Variants in PLB1 observed in about 807,000 individuals in gnomAD.
The protein encoded by PLB1 is phospholipase B1, also known as phospholipase B1, membrane-associated.
In PLB1, 242 loss-of-function variants were observed where a neutral mutation model predicts 227.4. That is an observed-to-expected ratio of 1.06 (90% confidence interval 0.96 to 1.18). The LOEUF is 1.18. PLB1 is among the 50% of genes most tolerant of loss of function. PLB1 has a pLI of 0.00. For missense variants in PLB1, 1,858 were observed against 1,816.3 expected, an observed-to-expected ratio of 1.02 and a Z score of -0.42; for synonymous variants, 757 against 682.2, an observed-to-expected ratio of 1.11 and a Z score of -1.71.
At chr2:28,529,183 G>A in intron 6 of PLB1, 134 bp from the exon 7 acceptor site, 1 of 627,414 alleles carries the variant, frequency 1.6e-6, no homozygotes. Context: ...GGGCTCAAGT[G>A]ATCCTCCTGC....
In PLB1 at chr2:28,562,531, A is replaced by G. The variant is rs529866936; in HGVS notation, c.1148-510A>G. On this transcript the variant is annotated intron_variant, in intron 17 of 57. Coordinates refer to ENST00000327757, the MANE Select transcript of PLB1 (RefSeq NM_153021.5). The stretch of plus-strand genomic sequence containing the variant: ...CACTCCAGCCTGGAGACAGAGCAAG[A>G]CTCTGTCTCAAAAAAAAAAAAAAAA... Among the ~76,000 whole-genome samples, 6 of 147,806 alleles carry G rather than the reference A, an allele frequency of 4.1e-5. No individual in the cohort carries two copies. The East Asian group carries it at 9.9e-4, about 24-fold the overall frequency.
intron 33 of PLB1, 61 bp downstream of exon 33, chr2:28,593,815 T>C (rs1307556369): frequency 1.7e-5 from 24 of 1,436,198 alleles, no homozygotes; most frequent in Non-Finnish European, 2.3e-5. Flanking sequence ...GGTGTGGCTT[T>C]GTCTCCTGTA....
At chr2:28,505,900 T>C (rs1022077908) in intron 1 of PLB1, among the ~76,000 whole-genome samples, 5 of 152,188 alleles carry the variant, frequency 3.3e-5, no homozygotes, top group Non-Finnish European at 7.3e-5. Context: ...TACATCCCAA[T>C]GCCTCCATCC....
chr2:28,632,571 G>A (rs1466033653), intron 55 of PLB1, among the ~76,000 whole-genome samples: 3 of 152,000 alleles, frequency 2.0e-5, no homozygotes, highest in South Asian at 2.1e-4. Flanking sequence ...GTTGAATCAC[G>A]AGGTTAGGAG....
intron 14 of PLB1, among the ~76,000 whole-genome samples, chr2:28,547,255 G>A (rs1317185502): frequency 2.0e-5 from 3 of 149,048 alleles, no homozygotes; most frequent in African/African-American, 7.4e-5. Context: ...TGGCAAGACA[G>A]ATCAGCACCT....
At position 28,577,361 on chromosome 2, in the gene PLB1, C is replaced by T. The variant is rs73922164; in HGVS notation, c.1434-746C>T. On this transcript the variant is annotated intron_variant, in intron 21 of 57. Transcript: ENST00000327757. ...TAGCAAAAGGCACCTAAGTGTCCAACCCAGGTGCATTTTACTAGACTACAT... is the reference window on the plus strand; with the variant it reads ...TAGCAAAAGGCACCTAAGTGTCCAATCCAGGTGCATTTTACTAGACTACAT... 9.0e-3 allele frequency among the ~76,000 whole-genome samples: 1,378 copies of T among 152,334 alleles called. 24 individuals carry two copies. Among genetic ancestry groups the T allele is most frequent in the African/African-American group, 0.031 (1,307 of 41,562 alleles).
At chr2:28,636,033 G>GTGTGTGTGTA (rs1553467801) in intron 56 of PLB1, among the ~76,000 whole-genome samples, 1,548 of 149,808 alleles carry the variant, frequency 0.01, 18 homozygotes, top group Non-Finnish European at 0.017. Flanking sequence ...GTGTGTATGT[G>GTGTGTGTGTA]TGTGTGTGTA....
intron 17 of PLB1, among the ~76,000 whole-genome samples, chr2:28,558,122 A>T (rs756651072): frequency 3.3e-5 from 5 of 149,972 alleles, no homozygotes; most frequent in Non-Finnish European, 5.9e-5. Context: ...ATGTATGTAC[A>T]CACAGACATA....
At position 28,597,187 on chromosome 2, in the gene PLB1, C is replaced by T. The variant is rs922920103; in HGVS notation, c.2322-818C>T. Among the ~76,000 whole-genome samples, 47 of 150,352 alleles carry T rather than the reference C, an allele frequency of 3.1e-4. 1 individual carries two copies. The highest frequency in any genetic ancestry group is 3.1e-4 in the Non-Finnish European group (21 of 67,848). ...GCTGAGGCAGGAGAATGGCATGAAC[C>T]CGGGAGGCGGAGCTTGCATTGAGTG... On this transcript the variant is annotated intron_variant, in intron 33 of 57. Coordinates refer to ENST00000327757, the MANE Select transcript of PLB1 (RefSeq NM_153021.5).
In PLB1 at chr2:28,601,246, A is replaced by G. The variant is rs888614058; in HGVS notation, c.2527-6A>G. 7 of 1,610,162 alleles carry G rather than the reference A, an allele frequency of 4.3e-6. No individual in the cohort carries two copies. The highest frequency in any genetic ancestry group is 5.9e-6 in the Non-Finnish European group (7 of 1,176,540). Reference sequence around the variant, plus strand: ...AATTATCAAGCATTTTCCTCCCTCCATATAGAGAGTAAATTTCCATGAAGA... The same window carrying G: ...AATTATCAAGCATTTTCCTCCCTCCGTATAGAGAGTAAATTTCCATGAAGA... On this transcript the variant is annotated splice_region_variant and splice_polypyrimidine_tract_variant and intron_variant, in intron 36 of 57. Transcript: ENST00000327757.
chr2:28,531,483 G>A (rs750899593), intron 8 of PLB1, among the ~76,000 whole-genome samples: 1 of 151,982 alleles, frequency 6.6e-6, no homozygotes, highest in Non-Finnish European at 1.5e-5. Context: ...GGCTAATTTT[G>A]TATTTTTAAT....
intron 20 of PLB1, among the ~76,000 whole-genome samples, chr2:28,569,346 C>T (rs1036839157): frequency 1.3e-5 from 2 of 152,154 alleles, no homozygotes; most frequent in African/African-American, 2.4e-5. Context: ...TTATATGAGG[C>T]CCTGGGGTAT....
In PLB1 at chr2:28,560,255, C is replaced by T. The variant is rs560950629; in HGVS notation, c.1148-2786C>T. Among the ~76,000 whole-genome samples the T allele has an allele frequency of 7.0e-4, 107 of 152,066 alleles. 1 individual carries two copies. The South Asian group carries it at 7.3e-3, about 10-fold the overall frequency. ...GCCACTAGACACAATAGAAGCACAT[C>T]GGCAAAGGTAGAGCTATGGCCAAGT... On this transcript the variant is annotated intron_variant, in intron 17 of 57. Coordinates refer to ENST00000327757, the MANE Select transcript of PLB1 (RefSeq NM_153021.5).
chr2:28,636,010 T>A (rs1347047714), intron 56 of PLB1, among the ~76,000 whole-genome samples: 35 of 144,694 alleles, frequency 2.4e-4, no homozygotes, highest in African/African-American at 8.2e-4. Flanking sequence ...TATGTGTATG[T>A]ATGTATGAAT....
intron 56 of PLB1, among the ~76,000 whole-genome samples, chr2:28,637,449 A>G (rs962060028): frequency 6.6e-6 from 1 of 152,076 alleles, no homozygotes; most frequent in African/African-American, 2.4e-5. Flanking sequence ...TGCAGGGTTT[A>G]TGAACCGCTG....
chr2:28,633,772 C>T (rs994450572), intron 56 of PLB1, among the ~76,000 whole-genome samples: 1 of 152,244 alleles, frequency 6.6e-6, no homozygotes, highest in African/African-American at 2.4e-5. Context: ...ACAACTGGAT[C>T]CTCTTGCACG....
chr2:28,627,772 T>G (rs1171751595), intron 51 of PLB1, among the ~76,000 whole-genome samples: 1 of 152,106 alleles, frequency 6.6e-6, no homozygotes, highest in African/African-American at 2.4e-5. Context: ...CTGCCTGAGC[T>G]CTCCCCTCCT....
At chr2:28,565,448 G>A in intron 19 of PLB1, 95 bp downstream of exon 19, 1 of 1,146,002 alleles carries the variant, frequency 8.7e-7, no homozygotes, top group Non-Finnish European at 1.2e-6. Flanking sequence ...TAAGCAGAAG[G>A]GTGGGCCATT....
chr2:28,533,873 A>G (rs1671336134), intron 9 of PLB1, among the ~76,000 whole-genome samples: 2 of 152,214 alleles, frequency 1.3e-5, no homozygotes, highest in African/African-American at 4.8e-5. Flanking sequence ...CATGTATTCA[A>G]CTACATGTTA....
Sources: gnomAD v4.1 joint callset for allele counts (sites outside exome capture counted in the v4.1 genomes callset) on GRCh38, gnomAD v4.1.1 for gene constraint, MANE v1.5 for transcripts, NCBI Gene and HGNC (gene_info 2026-07-23, HGNC 2026-07-21) for gene names.